Variants in COMMD1 observed in about 807,000 individuals in gnomAD.
The protein encoded by COMMD1 is copper metabolism domain containing 1, also known as COMM domain-containing protein 1.
Under a neutral mutation model 17.2 loss-of-function variants are expected in COMMD1, and 10 were observed. That is an observed-to-expected ratio of 0.58 (90% CI 0.36 to 0.99). The LOEUF is 0.99. COMMD1 is among the 50% of genes least tolerant of loss of function. COMMD1 has a pLI of 0.01. For synonymous variants in COMMD1, 97 were observed against 91.6 expected, an observed-to-expected ratio of 1.06 and a Z score of -0.34; for missense variants, 270 against 231.8, an observed-to-expected ratio of 1.17 and a Z score of -1.07.
chr2:61,947,279 C>T (rs1367902919), intron 1 of COMMD1, among the ~76,000 whole-genome samples: 9 of 152,086 alleles, frequency 5.9e-5, no homozygotes, highest in Non-Finnish European at 4.4e-5. Context: ...TAATGAATAC[C>T]TGTCACTTAG....
At chr2:62,077,082 G>A (rs1034107788) in intron 2 of COMMD1, among the ~76,000 whole-genome samples, 7 of 152,178 alleles carry the variant, frequency 4.6e-5, no homozygotes, top group Non-Finnish European at 8.8e-5. Flanking sequence ...AGTGTGCTAT[G>A]ATTGCACCAC....
intron 2 of COMMD1, among the ~76,000 whole-genome samples, chr2:62,092,906 A>C (rs375241890): frequency 1.3e-5 from 2 of 152,176 alleles, no homozygotes; most frequent in African/African-American, 4.8e-5. Flanking sequence ...GGAGGTTAAA[A>C]GCCTCTGTCA....
In COMMD1 at chr2:61,893,629, C is replaced by T. The variant is rs1038502084; in HGVS notation, n.119+4787C>T. ...AGGAGTTCGAGACCAGCCTGGCCAA[C>T]GTGGTGAAACCCTGTCTCTACTAAA... On this transcript the variant is annotated intron_variant and non_coding_transcript_variant, in intron 1 of 2. Coordinates refer to the COMMD1 transcript ENST00000472729. 5.3e-5 allele frequency among the ~76,000 whole-genome samples: 8 copies of T among 152,058 alleles called. No individual in the cohort carries two copies. In the East Asian group the frequency reaches 1.2e-3, roughly 22 times the overall value.
At chr2:62,079,420 C>T (rs913484868) in intron 2 of COMMD1, among the ~76,000 whole-genome samples, 1 of 152,194 alleles carries the variant, frequency 6.6e-6, no homozygotes, top group Non-Finnish European at 1.5e-5. Context: ...TGCCTTTGCT[C>T]TCCATATATT....
chr2:61,945,302 A>T (rs1670877373), intron 1 of COMMD1, among the ~76,000 whole-genome samples: 1 of 152,220 alleles, frequency 6.6e-6, no homozygotes, highest in Non-Finnish European at 1.5e-5. Flanking sequence ...AAGCAGGAAA[A>T]CTTGCCTTCC....
At chr2:62,005,231 A>G (rs906877086) in intron 2 of COMMD1, among the ~76,000 whole-genome samples, 1 of 152,234 alleles carries the variant, frequency 6.6e-6, no homozygotes, top group African/African-American at 2.4e-5. Flanking sequence ...TTGATGTGTT[A>G]ATAGAACTTG....
intron 2 of COMMD1, among the ~76,000 whole-genome samples, chr2:62,093,356 A>C (rs550511868): frequency 6.6e-6 from 1 of 152,186 alleles, no homozygotes; most frequent in African/African-American, 2.4e-5. Flanking sequence ...TTGGGCTACC[A>C]TGGGGGATGG....
chr2:62,070,401 T>C (rs1335889640), intron 2 of COMMD1: 2 of 151,422 alleles, frequency 1.3e-5, no homozygotes, highest in African/African-American at 2.4e-5. Context: ...AAAAAAAATA[T>C]TTAAAAATTA....
intron 1 of COMMD1, among the ~76,000 whole-genome samples, chr2:61,963,185 T>TATTATA (rs1422002132): frequency 4.6e-5 from 6 of 129,788 alleles, no homozygotes; most frequent in African/African-American, 1.3e-4. Flanking sequence ...TATATATATA[T>TATTATA]TATATACACA....
chr2:62,097,278 C>T (rs190793574), intron 2 of COMMD1, among the ~76,000 whole-genome samples: 1 of 152,264 alleles, frequency 6.6e-6, no homozygotes, highest in African/African-American at 2.4e-5. Context: ...TTGTCTAAAT[C>T]GTCCTGAATG....
chr2:61,964,292 C>T (rs1017450731), intron 1 of COMMD1, among the ~76,000 whole-genome samples: 2 of 152,098 alleles, frequency 1.3e-5, no homozygotes, highest in Admixed American at 6.5e-5. Flanking sequence ...GTGATCATGG[C>T]TCACTGCAGT....
At chr2:62,090,779 T>C (rs1671804026) in intron 2 of COMMD1, 1 of 152,234 alleles carries the variant, frequency 6.6e-6, no homozygotes, top group East Asian at 1.9e-4. Context: ...GGCATAGCCA[T>C]TCTCCTTTTC....
intron 2 of COMMD1, among the ~76,000 whole-genome samples, chr2:62,108,865 C>T (rs1379668249): frequency 2.0e-5 from 3 of 152,126 alleles, no homozygotes; most frequent in African/African-American, 7.2e-5. Flanking sequence ...AATGTAGTTT[C>T]TGTAGTCTTT....
chr2:62,059,027 C>T (rs1041294762), intron 2 of COMMD1, among the ~76,000 whole-genome samples: 10 of 152,228 alleles, frequency 6.6e-5, no homozygotes, highest in African/African-American at 1.9e-4. Context: ...ATCCACCCAC[C>T]TTATCCTCCC....
At chr2:61,977,669 T>G (rs925163452) in intron 1 of COMMD1, among the ~76,000 whole-genome samples, 1 of 152,054 alleles carries the variant, frequency 6.6e-6, no homozygotes, top group Non-Finnish European at 1.5e-5. Context: ...GGTAAAAATA[T>G]AGAATTGTTT....
intron 2 of COMMD1, among the ~76,000 whole-genome samples, chr2:62,121,734 G>A (rs1470239393): frequency 8.7e-5 from 12 of 137,630 alleles, no homozygotes; most frequent in South Asian, 2.3e-4. Flanking sequence ...GCGAGACTCC[G>A]TCTCAAAAAA....
Position 61,905,843 on chromosome 2 carries a change from G to GAGGGGGATTC in COMMD1, c.166_175dup (p.Leu59GlnfsTer5). On this transcript the variant is annotated frameshift_variant, in exon 1 of 3. Coordinates refer to ENST00000311832, the MANE Select transcript of COMMD1 (RefSeq NM_152516.4). LOFTEE classifies it high-confidence loss of function. ...AGTTCCGCCCCTTTCTGGCAAAGAT[G>GAGGGGGATTC]AGGGGGATTCTTAAGGTACTGCTCT... 1 of 1,614,234 alleles carries GAGGGGGATTC rather than the reference G, an allele frequency of 6.2e-7. No individual in the cohort carries two copies. The highest frequency in any genetic ancestry group is 8.5e-7 in the Non-Finnish European group (1 of 1,180,038).
intron 2 of COMMD1, among the ~76,000 whole-genome samples, chr2:62,019,018 C>A (rs1669530960): frequency 6.7e-6 from 1 of 150,328 alleles, no homozygotes; most frequent in Admixed American, 6.6e-5. Flanking sequence ...AACCAACCAA[C>A]CAACTTCCCT....
chr2:61,993,304 A>T (rs1668645149), intron 1 of COMMD1, among the ~76,000 whole-genome samples: 1 of 152,262 alleles, frequency 6.6e-6, no homozygotes, highest in South Asian at 2.1e-4. Flanking sequence ...TGTAACAATC[A>T]GTAGAACTTG....
Sources: allele counts gnomAD v4.1 joint callset (sites outside exome capture counted in the v4.1 genomes callset), GRCh38; gene constraint gnomAD v4.1.1; transcripts MANE v1.5; gene names NCBI Gene and HGNC (gene_info 2026-07-23, HGNC 2026-07-21).